NAV3: variants seen among roughly 807,000 people sequenced by gnomAD.
The protein encoded by NAV3 is neuron navigator 3.
In NAV3, 87 loss-of-function variants were observed where a neutral mutation model predicts 244.7. That is an observed-to-expected ratio of 0.36 (90% CI 0.30 to 0.42). NAV3 has a LOEUF of 0.42. NAV3 is among the 20% of genes least tolerant of loss of function. NAV3 has a pLI of 1.00. For synonymous variants in NAV3, 1,126 were observed against 1,042.2 expected (o/e 1.08, Z -1.55); for missense variants, 2,663 against 2,893.3 (o/e 0.92, Z 1.83).
chr12:77,781,894 T>C (rs902507601), intron 2 of NAV3, among the ~76,000 whole-genome samples: 4 of 152,128 alleles, frequency 2.6e-5, no homozygotes, highest in African/African-American at 9.7e-5. Context: ...TTTTCTGTAA[T>C]ATAAAATAAT....
intron 1 of NAV3, among the ~76,000 whole-genome samples, chr12:77,832,548 A>G (rs940474655): frequency 1.3e-5 from 2 of 152,212 alleles, no homozygotes; most frequent in East Asian, 3.8e-4. Context: ...AGAGATTCTG[A>G]TACAGGCATA....
intron 3 of NAV3, among the ~76,000 whole-genome samples, chr12:77,945,630 G>A (rs1172585363): frequency 1.3e-5 from 2 of 152,060 alleles, no homozygotes; most frequent in African/African-American, 4.8e-5. Flanking sequence ...AGAAAAGAAA[G>A]TATATTAAAT....
At chr12:77,759,043 T>C (rs950159931) in intron 2 of NAV3, among the ~76,000 whole-genome samples, 2 of 152,220 alleles carry the variant, frequency 1.3e-5, no homozygotes, top group Non-Finnish European at 2.9e-5. Context: ...CTCAGTTGCG[T>C]TTGTGGCTAG....
chr12:77,656,911 A>G (rs368692086), intron 2 of NAV3, among the ~76,000 whole-genome samples: 7 of 152,002 alleles, frequency 4.6e-5, no homozygotes, highest in African/African-American at 1.2e-4. Flanking sequence ...TGAAACCAAC[A>G]AGAACAAAGA....
intron 2 of NAV3, among the ~76,000 whole-genome samples, chr12:77,582,641 G>T (rs150684456): frequency 1.6e-3 from 248 of 152,286 alleles, no homozygotes; most frequent in African/African-American, 5.7e-3. Context: ...ATGAGTTTTT[G>T]CCAGCCCATC....
chr12:78,052,789 C>G (rs1253299594), intron 11 of NAV3, among the ~76,000 whole-genome samples: 1 of 152,076 alleles, frequency 6.6e-6, no homozygotes, highest in Admixed American at 6.6e-5. Context: ...TCTTTCCACT[C>G]TATCCCCTCT....
At chr12:77,939,618 G>A (rs1889673522) in intron 1 of NAV3, among the ~76,000 whole-genome samples, 1 of 152,046 alleles carries the variant, frequency 6.6e-6, no homozygotes, top group African/African-American at 2.4e-5. Flanking sequence ...TAGAGTTTCA[G>A]CTTTTCTGTA....
At chr12:78,050,596 T>G (rs1388153006) in intron 10 of NAV3, among the ~76,000 whole-genome samples, 168 bp from the exon 11 acceptor site, 1 of 152,190 alleles carries the variant, frequency 6.6e-6, no homozygotes, top group Non-Finnish European at 1.5e-5. Flanking sequence ...ATAAAATGTA[T>G]GCCCCTTTCC....
chr12:78,057,517 T>C (rs2137377019), intron 11 of NAV3, among the ~76,000 whole-genome samples: 1 of 152,362 alleles, frequency 6.6e-6, no homozygotes, highest in Non-Finnish European at 1.5e-5. Context: ...ATGCTTCCTC[T>C]AATTTCACTT....
chr12:78,198,724 TG>T lies in NAV3; in HGVS notation c.6518+56del, dbSNP rs201070522. 1,302 of 343,984 alleles carry T rather than the reference TG, an allele frequency of 3.8e-3. 46 individuals are homozygous for T. The East Asian group carries it at 0.075, about 20-fold the overall frequency. 21.3% of individuals were successfully genotyped at this position (343,984 alleles called of 1,614,324 possible). On this transcript the variant is annotated intron_variant, in intron 36 of 39. Coordinates refer to ENST00000397909, the MANE Select transcript of NAV3 (RefSeq NM_001024383.2). ...TTTGTTTTGTTTTTTTGTTTTGTGT[TG>T]GGGGGGGCAGGGGAGGGGGTTGGCA...
At chr12:77,695,687 C>T (rs932437990) in intron 2 of NAV3, among the ~76,000 whole-genome samples, 2 of 152,134 alleles carry the variant, frequency 1.3e-5, no homozygotes, top group Non-Finnish European at 2.9e-5. Flanking sequence ...TGCCCCTCTC[C>T]TCCATTCCCC....
chr12:78,156,122 T>C (rs1378340551), intron 22 of NAV3, among the ~76,000 whole-genome samples: 1 of 152,140 alleles, frequency 6.6e-6, no homozygotes, highest in Non-Finnish European at 1.5e-5. Flanking sequence ...GTTTTTATAG[T>C]TTTTGGATTT....
At chr12:77,826,223 T>C (rs1173812563), upstream of NAV3, among the ~76,000 whole-genome samples, 2 of 152,182 alleles carry the variant, frequency 1.3e-5, no homozygotes, top group Non-Finnish European at 2.9e-5. Context: ...TAAATATTTA[T>C]AGGGACAGGC....
intron 19 of NAV3, 52 bp downstream of exon 19, chr12:78,137,417 G>A: frequency 6.6e-7 from 1 of 1,507,398 alleles, no homozygotes; most frequent in African/African-American, 1.4e-5. Context: ...AACCCTGAGA[G>A]GGAAACCATT....
chr12:77,916,790 T>G (rs1887193403), intron 1 of NAV3, among the ~76,000 whole-genome samples: 1 of 152,020 alleles, frequency 6.6e-6, no homozygotes, highest in Admixed American at 6.6e-5. Context: ...TTGATCTCAT[T>G]TCAATGCTCA....
At chr12:78,096,697 A>G (rs1954270016) in intron 12 of NAV3, among the ~76,000 whole-genome samples, 1 of 152,138 alleles carries the variant, frequency 6.6e-6, no homozygotes, top group Admixed American at 6.6e-5. Context: ...CCTCAATTCA[A>G]TTACCTGCCA....
chr12:77,674,446 G>A (rs955307070), intron 2 of NAV3, among the ~76,000 whole-genome samples: 4 of 151,596 alleles, frequency 2.6e-5, no homozygotes, highest in South Asian at 2.1e-4. Context: ...GCATTGGCAC[G>A]ATCATGGCTC....
At chr12:78,018,118 C>G (rs1277463978) in intron 8 of NAV3, among the ~76,000 whole-genome samples, 1 of 152,084 alleles carries the variant, frequency 6.6e-6, no homozygotes, top group Non-Finnish European at 1.5e-5. Context: ...TAAGTTAGAT[C>G]ACTCATGTAG....
chr12:77,966,779 C>T (rs564400825), intron 4 of NAV3, among the ~76,000 whole-genome samples: 1 of 152,094 alleles, frequency 6.6e-6, no homozygotes, highest in East Asian at 1.9e-4. Flanking sequence ...TTAGAACTAA[C>T]AGCGTTAATC....
Sources: gnomAD v4.1 joint callset for allele counts (sites outside exome capture counted in the v4.1 genomes callset) on GRCh38, gnomAD v4.1.1 for gene constraint, MANE v1.5 for transcripts, NCBI Gene and HGNC (gene_info 2026-07-23, HGNC 2026-07-21) for gene names.